RBFOX1: variants seen among roughly 807,000 people sequenced by gnomAD.
RBFOX1 encodes the protein RNA binding fox-1 homolog 1.
A neutral mutation model predicts 57.7 loss-of-function variants in RBFOX1; 8 were observed. The observed-to-expected ratio is 0.14, with a 90% CI of 0.08 to 0.25. RBFOX1 has a LOEUF of 0.25. Among genes scored for constraint, RBFOX1 ranks in the 10% least tolerant of loss-of-function variants. RBFOX1 has a pLI of 1.00. For missense variants in RBFOX1, 611 were observed against 548.5 expected, an observed-to-expected ratio of 1.11 and a Z score of -1.14; for synonymous variants, 326 against 222.4, an observed-to-expected ratio of 1.47 and a Z score of -4.15.
At chr16:7,059,928 C>G (rs536526378) in intron 4 of RBFOX1, among the ~76,000 whole-genome samples, 14 of 152,086 alleles carry the variant, frequency 9.2e-5, no homozygotes, top group African/African-American at 2.2e-4. Flanking sequence ...GCTTTGGAAA[C>G]ATTGTATGAA....
chr16:6,828,839 C>A (rs1311766723), intron 3 of RBFOX1, among the ~76,000 whole-genome samples: 1 of 152,174 alleles, frequency 6.6e-6, no homozygotes. Flanking sequence ...AATTTCCACC[C>A]TTTCCCAGGA....
At chr16:5,691,249 A>T (rs957876543) in intron 3 of RBFOX1, among the ~76,000 whole-genome samples, 1 of 152,186 alleles carries the variant, frequency 6.6e-6, no homozygotes, top group Non-Finnish European at 1.5e-5. Flanking sequence ...ACCCAGAGCA[A>T]TTCAGGAGGA....
At chr16:5,743,015 G>A (rs1477097818) in intron 3 of RBFOX1, among the ~76,000 whole-genome samples, 2 of 152,168 alleles carry the variant, frequency 1.3e-5, no homozygotes, top group Non-Finnish European at 2.9e-5. Context: ...AATAGAGATA[G>A]CAAAGGATTA....
intron 3 of RBFOX1, among the ~76,000 whole-genome samples, chr16:6,787,033 G>T (rs2082083287): frequency 6.6e-6 from 1 of 152,150 alleles, no homozygotes; most frequent in Non-Finnish European, 1.5e-5. Flanking sequence ...TGGAATGTCA[G>T]AAATACATTA....
At chr16:5,736,997 C>T (rs1297343542) in intron 3 of RBFOX1, among the ~76,000 whole-genome samples, 1 of 150,588 alleles carries the variant, frequency 6.6e-6, no homozygotes, top group Non-Finnish European at 1.5e-5. Flanking sequence ...GATTCTGTTT[C>T]AGTCTCATCC....
chr16:6,391,591 T>C (rs749830570), intron 2 of RBFOX1, among the ~76,000 whole-genome samples: 1 of 151,874 alleles, frequency 6.6e-6, no homozygotes, highest in Non-Finnish European at 1.5e-5. Flanking sequence ...AGCAAATGGG[T>C]TGCAGGAAGG....
Position 6,019,946 on chromosome 16 carries a change from T to C in RBFOX1, c.-173T>C. 10 of 1,532,808 alleles carry C rather than the reference T, an allele frequency of 6.5e-6. No homozygotes were observed. Among genetic ancestry groups the C allele is most frequent in the Non-Finnish European group, 6.1e-6 (7 of 1,145,400 alleles). The allele number at this position is 1,532,808 out of a possible 1,614,324, so 95.0% of individuals were successfully genotyped here. A position where few individuals can be genotyped will look rare whatever the true frequency, so the allele number is the denominator to read the frequency against. ...CAGAGAGCGCACGGGAATTCGGGGGTCTGGGGCCGAGAACGTGACCGCAGC... is the reference window on the plus strand; with the variant it reads ...CAGAGAGCGCACGGGAATTCGGGGGCCTGGGGCCGAGAACGTGACCGCAGC... On this transcript the variant is annotated 5_prime_UTR_variant, in exon 1 of 16. Transcript: ENST00000550418. This position sits in a 1 kb window ranked among gnomAD's most constrained non-coding sequence, Gnocchi z 4.2.
At chr16:7,099,687 G>T (rs531660799) in intron 4 of RBFOX1, among the ~76,000 whole-genome samples, 18 of 152,240 alleles carry the variant, frequency 1.2e-4, no homozygotes, top group African/African-American at 4.1e-4. Context: ...ATACATGTAA[G>T]ATTTGCATTG....
At chr16:6,735,669 ACT>A (rs2070026329) in intron 3 of RBFOX1, among the ~76,000 whole-genome samples, 1 of 152,130 alleles carries the variant, frequency 6.6e-6, no homozygotes, top group Admixed American at 6.5e-5. Context: ...CAATGCTGAG[ACT>A]CTCTCAGATC....
At chr16:7,451,752 C>A (rs894070302) in intron 4 of RBFOX1, among the ~76,000 whole-genome samples, 5 of 139,922 alleles carry the variant, frequency 3.6e-5, no homozygotes, top group African/African-American at 8.0e-5. Context: ...ATTTATTTCT[C>A]ATTTTGTAGA....
chr16:7,420,451 C>T (rs2098529493), intron 4 of RBFOX1, among the ~76,000 whole-genome samples: 1 of 152,176 alleles, frequency 6.6e-6, no homozygotes, highest in Non-Finnish European at 1.5e-5. Context: ...GTGAAGGACT[C>T]CGGCTGGAAT....
intron 4 of RBFOX1, among the ~76,000 whole-genome samples, chr16:7,379,585 TAAAG>T (rs1433090125): frequency 3.9e-5 from 6 of 152,090 alleles, no homozygotes; most frequent in African/African-American, 1.4e-4. Flanking sequence ...ATATAGACAA[TAAAG>T]AAACTCAAAA....
chr16:7,030,705 G>A (rs143428844), intron 3 of RBFOX1, among the ~76,000 whole-genome samples: 101 of 152,192 alleles, frequency 6.6e-4, no homozygotes, highest in African/African-American at 2.4e-3. Context: ...TCCAAATAAG[G>A]CCACATTCTG....
intron 1 of RBFOX1, among the ~76,000 whole-genome samples, chr16:6,040,414 A>G (rs1462614266): frequency 6.6e-6 from 1 of 152,124 alleles, no homozygotes; most frequent in East Asian, 1.9e-4. Flanking sequence ...TGTGTTTATG[A>G]TTTTAACTAC....
chr16:6,693,275 A>G (rs1239925852), intron 3 of RBFOX1, among the ~76,000 whole-genome samples: 1 of 151,226 alleles, frequency 6.6e-6, no homozygotes, highest in African/African-American at 2.4e-5. Flanking sequence ...CACTAACATC[A>G]CCACCGTCAT....
chr16:6,945,267 C>G (rs1765167627), intron 3 of RBFOX1, among the ~76,000 whole-genome samples: 1 of 152,110 alleles, frequency 6.6e-6, no homozygotes, highest in South Asian at 2.1e-4. Context: ...CATGTGACCT[C>G]TGTTAGCGTG....
intron 3 of RBFOX1, among the ~76,000 whole-genome samples, chr16:5,643,533 G>C (rs891501653): frequency 2.0e-5 from 3 of 152,136 alleles, no homozygotes; most frequent in African/African-American, 7.2e-5. Flanking sequence ...ATCCAGATGT[G>C]TACCCCACAT....
chr16:6,859,392 A>G (rs1203946960), intron 3 of RBFOX1, among the ~76,000 whole-genome samples: 3 of 151,778 alleles, frequency 2.0e-5, no homozygotes, highest in African/African-American at 7.3e-5. Context: ...GCTTTTGCCC[A>G]TACTTGGCTC....
In RBFOX1 at chr16:5,947,736, G is replaced by T. The variant is rs571719017; in HGVS notation, c.351+80401G>T. ...TTCTGCACCCTTTTTACTATGTCCA[G>T]GAACATTCTTAAGGGGGTGTCTCCA... is the stretch of plus-strand genomic sequence containing the variant. On this transcript the variant is annotated intron_variant, in intron 4 of 19. Transcript: ENST00000641259. The surrounding 1 kb of genome is among the most constrained non-coding windows in gnomAD (Gnocchi z 7.2). Among the ~76,000 whole-genome samples, 190 of 152,254 alleles carry T rather than the reference G, an allele frequency of 1.2e-3. No homozygotes were observed. Among genetic ancestry groups the T allele is most frequent in the African/African-American group, 4.4e-3 (182 of 41,540 alleles).
Sources: allele counts gnomAD v4.1 joint callset (sites outside exome capture counted in the v4.1 genomes callset), GRCh38; gene constraint gnomAD v4.1.1; non-coding constraint Gnocchi (gnomAD v3.1); transcripts MANE v1.5; gene names NCBI Gene and HGNC (gene_info 2026-07-23, HGNC 2026-07-21).